PDGFC: variants seen among roughly 807,000 people sequenced by gnomAD.
The protein encoded by PDGFC is platelet derived growth factor C.
In PDGFC, 12 loss-of-function variants were observed where a neutral mutation model predicts 35.5. That is an observed-to-expected ratio of 0.34 (90% CI 0.22 to 0.55). PDGFC has a LOEUF of 0.55. Ranked by LOEUF, PDGFC falls within the 20% of genes least tolerant of loss-of-function variation. The pLI is 0.91. For missense variants in PDGFC, 322 were observed against 412.4 expected, an observed-to-expected ratio of 0.78 and a Z score of 1.90; for synonymous variants, 159 against 148.8, an observed-to-expected ratio of 1.07 and a Z score of -0.50.
chr4:156,875,564 C>T (rs1293528679), intron 1 of PDGFC, among the ~76,000 whole-genome samples: 6 of 152,168 alleles, frequency 3.9e-5, no homozygotes, highest in Non-Finnish European at 8.8e-5. Flanking sequence ...GAAAAAAATG[C>T]TGCAGCACAA....
intron 1 of PDGFC, among the ~76,000 whole-genome samples, chr4:156,890,883 A>G (rs1165576242): frequency 4.6e-5 from 7 of 152,194 alleles, no homozygotes; most frequent in Non-Finnish European, 1.0e-4. Context: ...TTCTGTAGGT[A>G]ACCATGTATG....
rs1272446688 is a variant in PDGFC, at chr4:156,870,547, T to A, written c.119-20131A>T. ...TCTTCTCTATAATTCCTGAACAAAG[T>A]ATTATCCCTGTTGTATTTAAATGGA... On this transcript the variant is annotated intron_variant, in intron 1 of 5. Transcript: ENST00000502773. 2.0e-5 allele frequency among the ~76,000 whole-genome samples: 3 copies of A among 152,132 alleles called. No individual in the cohort carries two copies. In the East Asian group the frequency reaches 5.8e-4, roughly 29 times the overall value.
intron 1 of PDGFC, among the ~76,000 whole-genome samples, chr4:156,932,345 G>A (rs7672898): frequency 0.089 from 13,524 of 151,990 alleles, 1,831 homozygotes; most frequent in African/African-American, 0.29. Context: ...CTTCCTACCC[G>A]TGAGCATGGA....
In PDGFC at chr4:156,774,652, C is replaced by CTTT. The variant is rs869200131; in HGVS notation, c.496-1762_496-1760dup. 1.3e-4 allele frequency among the ~76,000 whole-genome samples: 17 copies of CTTT among 133,652 alleles called. No homozygotes were observed. In the East Asian group the frequency reaches 2.6e-3, roughly 20 times the overall value. The allele number at this position is 133,652 out of a possible 152,430, so 87.7% of individuals were successfully genotyped here. A position where few individuals can be genotyped will look rare whatever the true frequency, so the allele number is the denominator to read the frequency against. ...GCCTTGGGCCAACAATGATTTCATC[C>CTTT]TTTTTTTTTTTTTTTTTTTAACAAA... is the stretch of plus-strand genomic sequence containing the variant. On this transcript the variant is annotated intron_variant, in intron 3 of 5. Coordinates refer to ENST00000502773, the MANE Select transcript of PDGFC (RefSeq NM_016205.3).
chr4:156,771,147 G>A (rs949642579), intron 4 of PDGFC, among the ~76,000 whole-genome samples: 11 of 152,276 alleles, frequency 7.2e-5, no homozygotes, highest in African/African-American at 2.6e-4. Flanking sequence ...ATATCTGAAA[G>A]ATCTGTTCAG....
chr4:156,833,456 C>T (rs561830954), intron 2 of PDGFC, among the ~76,000 whole-genome samples: 3 of 152,110 alleles, frequency 2.0e-5, no homozygotes, highest in South Asian at 4.1e-4. Flanking sequence ...AACATAAATG[C>T]CTGTTTGCAA....
chr4:156,939,092 C>T (rs1479511577), intron 1 of PDGFC, among the ~76,000 whole-genome samples: 4 of 151,924 alleles, frequency 2.6e-5, no homozygotes, highest in African/African-American at 9.7e-5. Flanking sequence ...ATAATGGCTT[C>T]TCTCTCAGCC....
At chr4:156,896,250 G>A (rs951539651) in intron 1 of PDGFC, among the ~76,000 whole-genome samples, 13 of 152,208 alleles carry the variant, frequency 8.5e-5, no homozygotes, top group Non-Finnish European at 1.6e-4. Context: ...AATCACTGTT[G>A]TTTTGAGGAA....
chr4:156,833,195 T>G (rs927038375), intron 2 of PDGFC, among the ~76,000 whole-genome samples: 4 of 152,254 alleles, frequency 2.6e-5, no homozygotes, highest in Non-Finnish European at 5.9e-5. Flanking sequence ...ACACAGCATT[T>G]AATTTAATAA....
chr4:156,946,491 AT>A (rs1179112381), intron 1 of PDGFC, among the ~76,000 whole-genome samples: 4 of 152,238 alleles, frequency 2.6e-5, no homozygotes, highest in East Asian at 3.9e-4. Flanking sequence ...GTATTATTTT[AT>A]TTAATGAGCA....
chr4:156,923,508 A>C (rs1312567619), intron 1 of PDGFC, among the ~76,000 whole-genome samples: 2 of 148,626 alleles, frequency 1.3e-5, no homozygotes, highest in African/African-American at 5.3e-5. Flanking sequence ...AACTAAAGGA[A>C]ATGTTGTAGA....
chr4:156,827,676 C>T (rs1728812601), intron 2 of PDGFC, among the ~76,000 whole-genome samples: 1 of 151,572 alleles, frequency 6.6e-6, no homozygotes, highest in Non-Finnish European at 1.5e-5. Context: ...GCTGTTATGT[C>T]AAAAAATATG....
intron 1 of PDGFC, among the ~76,000 whole-genome samples, chr4:156,877,460 GGTAA>G (rs1003892120): frequency 2.0e-5 from 3 of 151,760 alleles, no homozygotes; most frequent in African/African-American, 7.3e-5. Context: ...ATTATAATAG[GGTAA>G]GTAATGACTA....
At chr4:156,909,393 A>G (rs114550596) in intron 1 of PDGFC, among the ~76,000 whole-genome samples, 2,272 of 152,284 alleles carry the variant, frequency 0.015, 59 homozygotes, top group African/African-American at 0.052. Flanking sequence ...CTCTCTTAGC[A>G]TTGCAAATAT....
At chr4:156,763,285 A>G (rs2110780631) in intron 5 of PDGFC, 79 bp from the exon 6 acceptor site, 4 of 711,090 alleles carry the variant, frequency 5.6e-6, no homozygotes, top group African/African-American at 3.5e-5. Context: ...GTAACGTTTT[A>G]GAAAAGAATC....
At chr4:156,955,406 A>C (rs1053283479) in intron 1 of PDGFC, among the ~76,000 whole-genome samples, 2 of 152,058 alleles carry the variant, frequency 1.3e-5, no homozygotes, top group Non-Finnish European at 2.9e-5. Context: ...CGAAAAAAAA[A>C]GATAACTACG....
At chr4:156,956,162 AT>A (rs2110956017) in intron 1 of PDGFC, among the ~76,000 whole-genome samples, 1 of 152,192 alleles carries the variant, frequency 6.6e-6, no homozygotes, top group Non-Finnish European at 1.5e-5. Flanking sequence ...AAATTAATTT[AT>A]TGTTTGAAAG....
intron 2 of PDGFC, among the ~76,000 whole-genome samples, chr4:156,813,909 C>T (rs898893517): frequency 6.6e-5 from 10 of 152,066 alleles, no homozygotes; most frequent in Admixed American, 1.3e-4. Flanking sequence ...CTCCAGAATT[C>T]GTGTCAGCTC....
intron 3 of PDGFC, among the ~76,000 whole-genome samples, chr4:156,796,005 C>G (rs1047728016): frequency 1.3e-5 from 2 of 152,168 alleles, no homozygotes; most frequent in African/African-American, 4.8e-5. Context: ...CACACGTTTA[C>G]TCTGAATCCC....
Sources: gnomAD v4.1 joint callset for allele counts (sites outside exome capture counted in the v4.1 genomes callset) on GRCh38, gnomAD v4.1.1 for gene constraint, MANE v1.5 for transcripts, NCBI Gene and HGNC (gene_info 2026-07-23, HGNC 2026-07-21) for gene names.